The following RCAN1 variants were observed in gnomAD, a reference collection of about 807,000 sequenced individuals.
The protein encoded by RCAN1 is calcipressin-1.
A neutral mutation model predicts 22.9 loss-of-function variants in RCAN1; 11 were observed. That is an observed-to-expected ratio of 0.48 (90% CI 0.30 to 0.79). RCAN1 has a LOEUF of 0.79. Among genes scored for constraint, RCAN1 ranks in the 30% least tolerant of loss-of-function variants. The probability of loss-of-function intolerance (pLI) is 0.06; values close to 1 mark genes in which losing one functional copy is unlikely to be tolerated. For synonymous variants in RCAN1, 136 were observed against 142.3 expected (o/e 0.96, Z 0.32); for missense variants, 291 against 337.8 (o/e 0.86, Z 1.09).
rs1301606365 is a variant in RCAN1, at chr21:34,523,536, C to T, written c.426+1G>A. On this transcript the variant is annotated splice_donor_variant, in intron 2 of 3. Transcript: ENST00000313806. LOFTEE classifies it high-confidence loss of function. ...CATGCATAGCAATGAACCCAACTCA[C>T]CTGAGCAAAATATAACTTCATTTCC... is the stretch of plus-strand genomic sequence containing the variant. 1 of 1,613,756 alleles carries T rather than the reference C, an allele frequency of 6.2e-7. No homozygotes were observed. Among genetic ancestry groups the T allele is most frequent in the African/African-American group, 1.3e-5 (1 of 75,002 alleles).
intron 1 of RCAN1, among the ~76,000 whole-genome samples, chr21:34,551,633 T>A (rs979462102): frequency 3.4e-5 from 3 of 89,024 alleles, no homozygotes; most frequent in African/African-American, 1.3e-4. Flanking sequence ...CTTTTTTGAT[T>A]CTTTAAGTCA....
intron 1 of RCAN1, among the ~76,000 whole-genome samples, chr21:34,563,613 G>A (rs62214613): frequency 0.24 from 36,470 of 151,080 alleles, 5,099 homozygotes; most frequent in African/African-American, 0.39. Context: ...CACTGCTATA[G>A]AGAACTGCCC....
chr21:34,537,700 T>C (rs1030801355), intron 1 of RCAN1, among the ~76,000 whole-genome samples: 4 of 152,242 alleles, frequency 2.6e-5, no homozygotes, highest in Admixed American at 6.5e-5. Flanking sequence ...GGGCCAGCCA[T>C]GGTGTGAGGT....
intron 1 of RCAN1, among the ~76,000 whole-genome samples, chr21:34,613,604 C>G (rs914135909): frequency 3.3e-5 from 5 of 152,206 alleles, no homozygotes; most frequent in Non-Finnish European, 7.3e-5. Flanking sequence ...GTCTGAAATG[C>G]TGGCTAGCGC....
At chr21:34,579,539 A>C (rs1472722548) in intron 1 of RCAN1, among the ~76,000 whole-genome samples, 1 of 152,220 alleles carries the variant, frequency 6.6e-6, no homozygotes. Flanking sequence ...ACTGGACTAA[A>C]TGATTACTAA....
At chr21:34,563,767 AAAAATATAT>A (rs1195886338) in intron 1 of RCAN1, among the ~76,000 whole-genome samples, 2 of 99,412 alleles carry the variant, frequency 2.0e-5, no homozygotes, top group Non-Finnish European at 3.8e-5. Context: ...AAAAAAAAAA[AAAAATATAT>A]ATATATATAT....
intron 1 of RCAN1, among the ~76,000 whole-genome samples, chr21:34,544,817 C>T (rs1445828466): frequency 6.6e-6 from 1 of 152,112 alleles, no homozygotes; most frequent in African/African-American, 2.4e-5. Context: ...ACACATGGGA[C>T]GGGGCTGTAA....
chr21:34,584,116 T>A (rs138440649), intron 1 of RCAN1, among the ~76,000 whole-genome samples: 126 of 152,330 alleles, frequency 8.3e-4, no homozygotes, highest in Non-Finnish European at 1.7e-3. Context: ...CCTGGAACAA[T>A]CACAGCCTGC....
chr21:34,580,185 CCAGCTTTAGAG>C (rs71829641), intron 1 of RCAN1, among the ~76,000 whole-genome samples: 42,999 of 152,050 alleles, frequency 0.28, 6,332 homozygotes, highest in South Asian at 0.46. Context: ...GAAGTCAAGC[CCAGCTTTAGAG>C]CATCAGGAAC....
At chr21:34,609,342 C>T (rs1334522025) in intron 1 of RCAN1, among the ~76,000 whole-genome samples, 1 of 152,196 alleles carries the variant, frequency 6.6e-6, no homozygotes, top group South Asian at 2.1e-4. Context: ...ATGACTGGCA[C>T]TTCCTCAGCA....
chr21:34,520,545 A>G (rs371374410), intron 3 of RCAN1, among the ~76,000 whole-genome samples: 3 of 152,218 alleles, frequency 2.0e-5, no homozygotes, highest in African/African-American at 7.2e-5. Flanking sequence ...GAAACTGCTG[A>G]TGGACCAAGA....
At chr21:34,529,790 A>G (rs1985274383) in intron 1 of RCAN1, among the ~76,000 whole-genome samples, 1 of 152,148 alleles carries the variant, frequency 6.6e-6, no homozygotes, top group African/African-American at 2.4e-5. Flanking sequence ...CTCAACTTGA[A>G]TTGTATCTCC....
chr21:34,540,341 G>A (rs181434278), intron 1 of RCAN1, among the ~76,000 whole-genome samples: 39 of 152,286 alleles, frequency 2.6e-4, no homozygotes, highest in African/African-American at 9.4e-4. Flanking sequence ...CCGGGGCTGG[G>A]TGCTGCCTAC....
chr21:34,539,456 A>G (rs947090054), intron 1 of RCAN1, among the ~76,000 whole-genome samples: 2 of 152,232 alleles, frequency 1.3e-5, no homozygotes, highest in Non-Finnish European at 2.9e-5. Flanking sequence ...AATATGTGTG[A>G]TAGTATTAGA....
At chr21:34,607,725 A>C (rs1400426485) in intron 1 of RCAN1, among the ~76,000 whole-genome samples, 1 of 152,242 alleles carries the variant, frequency 6.6e-6, no homozygotes, top group Admixed American at 6.5e-5. Context: ...AAGTCAAAAA[A>C]GTTTCCAAAT....
chr21:34,611,415 A>G (rs1346645101), intron 1 of RCAN1, among the ~76,000 whole-genome samples: 2 of 152,266 alleles, frequency 1.3e-5, no homozygotes, highest in Non-Finnish European at 2.9e-5. Flanking sequence ...GAGCCAGCCA[A>G]TGAAAACAAA....
At chr21:34,596,616 CCGCTG>C (rs1988166170) in intron 1 of RCAN1, among the ~76,000 whole-genome samples, 1 of 152,188 alleles carries the variant, frequency 6.6e-6, no homozygotes, top group African/African-American at 2.4e-5. Flanking sequence ...GGAGCAACCC[CCGCTG>C]CCATGCAGAA....
At chr21:34,573,048 T>C (rs1036024821) in intron 1 of RCAN1, among the ~76,000 whole-genome samples, 2 of 152,226 alleles carry the variant, frequency 1.3e-5, no homozygotes, top group Non-Finnish European at 2.9e-5. Context: ...TTGGCTTATC[T>C]GGACTCTCCT....
intron 1 of RCAN1, among the ~76,000 whole-genome samples, chr21:34,574,334 G>C (rs1987335218): frequency 6.6e-6 from 1 of 152,196 alleles, no homozygotes; most frequent in Admixed American, 6.5e-5. Flanking sequence ...AAGCGTGAGG[G>C]TGAGATACTA....
Sources: gnomAD v4.1 joint callset for allele counts (sites outside exome capture counted in the v4.1 genomes callset) on GRCh38, gnomAD v4.1.1 for gene constraint, MANE v1.5 for transcripts, NCBI Gene and HGNC (gene_info 2026-07-23, HGNC 2026-07-21) for gene names.